Variants in PRMT3 observed in about 807,000 individuals in gnomAD.
PRMT3 encodes protein arginine N-methyltransferase 3.
In PRMT3, 62 loss-of-function variants were observed where a neutral mutation model predicts 71.9. The ratio of observed to expected loss-of-function variants is 0.86; its 90% CI spans 0.70 to 1.07. PRMT3 has a LOEUF of 1.07. PRMT3 is among the 50% of genes least tolerant of loss of function. The probability of loss-of-function intolerance (pLI) is 0.00; values close to 1 mark genes in which losing one functional copy is unlikely to be tolerated. For synonymous variants in PRMT3, 213 were observed against 220.4 expected (o/e 0.97, Z 0.30); for missense variants, 663 against 643.0 (o/e 1.03, Z -0.34).
chr11:20,424,013 T>C (rs1416754884), intron 9 of PRMT3, among the ~76,000 whole-genome samples: 1 of 147,794 alleles, frequency 6.8e-6, no homozygotes, highest in Non-Finnish European at 1.5e-5. Flanking sequence ...TGAAACCCCA[T>C]ATCTACTGAA....
chr11:20,497,604 A>G (rs1851362104), intron 15 of PRMT3, among the ~76,000 whole-genome samples: 1 of 152,200 alleles, frequency 6.6e-6, no homozygotes, highest in Admixed American at 6.5e-5. Context: ...AGAGCAGAGT[A>G]CTGAAGAGGG....
At chr11:20,489,006 C>T (rs1851144872) in intron 13 of PRMT3, among the ~76,000 whole-genome samples, 1 of 152,146 alleles carries the variant, frequency 6.6e-6, no homozygotes, top group Non-Finnish European at 1.5e-5. Flanking sequence ...AACAGAGCTC[C>T]ATGCTTGTAT....
intron 6 of PRMT3, 92 bp downstream of exon 6, chr11:20,396,054 A>G (rs1365910975): frequency 1.7e-6 from 2 of 1,143,838 alleles, no homozygotes; most frequent in Admixed American, 2.4e-5. Flanking sequence ...CATTTCATAT[A>G]CTGGAAAGTA....
chr11:20,493,742 C>A (rs1299966659), intron 13 of PRMT3, among the ~76,000 whole-genome samples, 177 bp from the exon 14 acceptor site: 3 of 152,092 alleles, frequency 2.0e-5, no homozygotes, highest in Admixed American at 2.0e-4. Context: ...TGAGGAAAAG[C>A]CAAATTACAT....
intron 10 of PRMT3, among the ~76,000 whole-genome samples, chr11:20,446,307 G>C (rs77228743): frequency 6.6e-6 from 1 of 151,424 alleles, no homozygotes; most frequent in South Asian, 2.1e-4. Context: ...GTCTTATGAA[G>C]TAATTGTATA....
chr11:20,486,759 T>C (rs1185042716), intron 13 of PRMT3, among the ~76,000 whole-genome samples: 1 of 152,150 alleles, frequency 6.6e-6, no homozygotes, highest in Non-Finnish European at 1.5e-5. Flanking sequence ...CTTCTAAGAA[T>C]GAAGCTGGAC....
chr11:20,452,230 T>C (rs745477351), intron 11 of PRMT3, 22 bp downstream of exon 11: 3 of 1,546,080 alleles, frequency 1.9e-6, no homozygotes, highest in Non-Finnish European at 8.9e-7. Context: ...ATTCTGGTTT[T>C]AATAATCTAA....
chr11:20,415,766 C>T (rs949893566), intron 9 of PRMT3, among the ~76,000 whole-genome samples: 5 of 152,168 alleles, frequency 3.3e-5, no homozygotes, highest in Non-Finnish European at 5.9e-5. Flanking sequence ...ATATTGTCAA[C>T]CTGCTTCATC....
chr11:20,391,332 G>A (rs1192211533), intron 3 of PRMT3, among the ~76,000 whole-genome samples: 3 of 151,500 alleles, frequency 2.0e-5, no homozygotes, highest in Admixed American at 6.6e-5. Flanking sequence ...TGCAACCTCC[G>A]CCTCCCGGGT....
intron 13 of PRMT3, among the ~76,000 whole-genome samples, chr11:20,478,962 T>C (rs943700619): frequency 1.3e-5 from 2 of 152,186 alleles, no homozygotes; most frequent in Admixed American, 1.3e-4. Context: ...AAACTAATTA[T>C]TAAAACAATT....
intron 10 of PRMT3, among the ~76,000 whole-genome samples, chr11:20,441,461 A>G (rs1305571507): frequency 1.6e-4 from 25 of 151,850 alleles, no homozygotes; most frequent in Admixed American, 1.5e-3. Flanking sequence ...ACCCGCCACC[A>G]TGCCCAGCTA....
chr11:20,478,691 C>T (rs995667862), intron 13 of PRMT3, among the ~76,000 whole-genome samples: 18 of 152,222 alleles, frequency 1.2e-4, no homozygotes, highest in Admixed American at 2.0e-4. Context: ...ACAGTTCAAA[C>T]CAGTGATCTC....
Position 20,464,352 on chromosome 11 carries a change from G to A in PRMT3, c.1261-108G>A, listed in dbSNP as rs116079035. 1,913 of 1,395,910 alleles carry A rather than the reference G, an allele frequency of 1.4e-3. 23 individuals are homozygous for A. In the African/African-American group the frequency reaches 0.025, roughly 18 times the overall value. The allele number at this position is 1,395,910 out of a possible 1,614,324, so 86.5% of individuals were successfully genotyped here. On this transcript the variant is annotated intron_variant, in intron 12 of 15. Transcript: ENST00000331079. Reference sequence around the variant, plus strand: ...AAACTTTGGTTTCCAATAATCATTTGTGCATAAAAGAAGTAATGTTTGTCT... The same window carrying A: ...AAACTTTGGTTTCCAATAATCATTTATGCATAAAAGAAGTAATGTTTGTCT...
At chr11:20,507,147 C>T (rs1851610329) in intron 15 of PRMT3, among the ~76,000 whole-genome samples, 1 of 152,218 alleles carries the variant, frequency 6.6e-6, no homozygotes, top group Non-Finnish European at 1.5e-5. Context: ...GCCTGGTTCT[C>T]CATGACTTCA....
chr11:20,400,042 T>TA (rs1848914920), intron 7 of PRMT3, among the ~76,000 whole-genome samples: 2 of 152,242 alleles, frequency 1.3e-5, no homozygotes, highest in Admixed American at 6.5e-5. Flanking sequence ...TTTGCCAAGT[T>TA]ACGTGCCTTG....
intron 15 of PRMT3, among the ~76,000 whole-genome samples, chr11:20,506,573 G>A (rs1851596498): frequency 6.6e-6 from 1 of 152,068 alleles, no homozygotes; most frequent in African/African-American, 2.4e-5. Context: ...AGGTGGTTAT[G>A]TTTTACTTGT....
chr11:20,407,927 G>T lies in PRMT3; in HGVS notation c.788G>T (p.Gly263Val), dbSNP rs764946301. The change falls in exon 9 of 16, where the codon GGG becomes GTG. Residue 263 changes from glycine to valine, a missense_variant. Physicochemically the swap from Gly to Val is moderately radical, Grantham distance 109. Transcript: ENST00000331079. ...TTACCCTAGGTAGTTTTGGATGTTG[G>T]GTGTGGAACTGGAATTCTCTCTATG... ...IFKDKVVLDV[G>V]CGTGILSMFA... The T allele has an allele frequency of 1.1e-5, 18 of 1,610,826 alleles. No individual in the cohort carries two copies. Among genetic ancestry groups the T allele is most frequent in the Admixed American group, 3.3e-5 (2 of 59,722 alleles).
At chr11:20,412,018 T>C (rs1375175574) in intron 9 of PRMT3, among the ~76,000 whole-genome samples, 2 of 152,174 alleles carry the variant, frequency 1.3e-5, no homozygotes, top group East Asian at 3.8e-4. Context: ...GTGTGGAAAT[T>C]GAACAAGTAG....
At chr11:20,473,910 G>T (rs1377329947) in intron 13 of PRMT3, among the ~76,000 whole-genome samples, 2 of 151,930 alleles carry the variant, frequency 1.3e-5, no homozygotes, top group Non-Finnish European at 2.9e-5. Flanking sequence ...TGGGGTTTGT[G>T]TCAGGTTTTT....
Sources: allele counts gnomAD v4.1 joint callset (sites outside exome capture counted in the v4.1 genomes callset), GRCh38; gene constraint gnomAD v4.1.1; transcripts MANE v1.5; gene names NCBI Gene and HGNC (gene_info 2026-07-23, HGNC 2026-07-21).